Variants in CDH18 observed in about 807,000 individuals in gnomAD.
CDH18 encodes cadherin-18.
In CDH18, 31 loss-of-function variants were observed where a neutral mutation model predicts 67.9. That is an observed-to-expected ratio of 0.46 (90% CI 0.34 to 0.62). CDH18 has a LOEUF of 0.62. Ranked by LOEUF, CDH18 falls within the 20% of genes least tolerant of loss-of-function variation. CDH18 has a pLI of 0.01. For missense variants in CDH18, 890 were observed against 975.5 expected (o/e 0.91, Z 1.17); for synonymous variants, 362 against 347.2 (o/e 1.04, Z -0.48).
chr5:20,201,330 A>G (rs913441195), intron 2 of CDH18, among the ~76,000 whole-genome samples: 3 of 152,172 alleles, frequency 2.0e-5, no homozygotes, highest in African/African-American at 7.2e-5. Flanking sequence ...TAAATTGATT[A>G]CATCTGCAAA....
chr5:20,400,515 T>A (rs1272623735), intron 1 of CDH18, among the ~76,000 whole-genome samples: 1 of 151,032 alleles, frequency 6.6e-6, no homozygotes, highest in East Asian at 2.0e-4. Context: ...ATAAAAAGAA[T>A]GTTCACAGAC....
At chr5:20,080,978 A>G (rs1744419684) in intron 2 of CDH18, among the ~76,000 whole-genome samples, 1 of 152,116 alleles carries the variant, frequency 6.6e-6, no homozygotes, top group Admixed American at 6.6e-5. Context: ...TTCATTATAT[A>G]TCACTCCCTC....
chr5:19,862,499 CAGAGGTAAA>C (rs1198812417), intron 2 of CDH18, among the ~76,000 whole-genome samples: 3 of 152,124 alleles, frequency 2.0e-5, no homozygotes, highest in Non-Finnish European at 4.4e-5. Flanking sequence ...ACTATCCCAC[CAGAGGTAAA>C]ATCGTAATGT....
intron 2 of CDH18, among the ~76,000 whole-genome samples, chr5:19,840,433 T>C (rs1270381830): frequency 1.3e-5 from 2 of 152,052 alleles, no homozygotes; most frequent in East Asian, 3.9e-4. Context: ...CTGGGTGCAG[T>C]AGCTCACGAC....
In CDH18 at chr5:20,095,443, G is replaced by A. The variant is rs866107445; in HGVS notation, c.-517-103429C>T. Among the ~76,000 whole-genome samples, 189 of 62,262 alleles carry A rather than the reference G, an allele frequency of 3.0e-3. 1 individual carries two copies. Among genetic ancestry groups the A allele is most frequent in the African/African-American group, 0.011 (177 of 15,874 alleles). 40.8% of individuals were successfully genotyped at this position (62,262 alleles called of 152,430 possible). A position where few individuals can be genotyped will look rare whatever the true frequency, so the allele number is the denominator to read the frequency against. Reference sequence around the variant, plus strand: ...AGAAAGAAAGAAAGAAAGAAAGAAAGAAAAGAAAGAAAGAAAGAAGAAAGA... The same window carrying A: ...AGAAAGAAAGAAAGAAAGAAAGAAAAAAAAGAAAGAAAGAAAGAAGAAAGA... On this transcript the variant is annotated intron_variant, in intron 2 of 14. Transcript: ENST00000507958.
intron 1 of CDH18, among the ~76,000 whole-genome samples, chr5:20,508,323 TTATATATATATATATA>T (rs55885279): frequency 0.031 from 3,405 of 111,186 alleles, 173 homozygotes; most frequent in African/African-American, 0.096. Flanking sequence ...ATGACTATGA[TTATATATATATATATA>T]TATATATATA....
intron 2 of CDH18, among the ~76,000 whole-genome samples, chr5:19,945,094 G>A (rs114155265): frequency 0.012 from 1,775 of 152,234 alleles, 27 homozygotes; most frequent in African/African-American, 0.041. Context: ...CAGTGGTAAA[G>A]CCTGGTATCT....
rs1338163203 is a variant in CDH18, at chr5:19,755,239, G to T, written c.229-8003C>A. Among the ~76,000 whole-genome samples, 8 of 150,050 alleles carry T rather than the reference G, an allele frequency of 5.3e-5. No individual in the cohort carries two copies. The East Asian group carries it at 1.6e-3, about 29-fold the overall frequency. On this transcript the variant is annotated intron_variant, in intron 3 of 12. Transcript: ENST00000382275. ...AATAAAAAAAAGAAATAAAAAGCTG[G>T]TTCTTCGAAGAAATAAATAAAATTG...
At chr5:20,436,630 A>G (rs550035280) in intron 1 of CDH18, among the ~76,000 whole-genome samples, 16 of 150,908 alleles carry the variant, frequency 1.1e-4, no homozygotes, top group African/African-American at 1.9e-4. Flanking sequence ...ATATATGTGT[A>G]TATATATATA....
rs542193616 is a variant in CDH18 at position 19,894,185 on chromosome 5, G to T, written c.-256-54943C>A. Among the ~76,000 whole-genome samples, 3 of 151,778 alleles carry T rather than the reference G, an allele frequency of 2.0e-5. No individual in the cohort carries two copies. In the East Asian group the frequency reaches 5.8e-4, roughly 29 times the overall value. ...AAAATCCACTGATATTTTAAAATTG[G>T]ATCTATTTTAGTTTTTAAACTTCCT... On this transcript the variant is annotated intron_variant, in intron 2 of 12. Transcript: ENST00000382275.
chr5:20,520,568 A>C (rs969693207), intron 1 of CDH18, among the ~76,000 whole-genome samples: 1 of 152,128 alleles, frequency 6.6e-6, no homozygotes, highest in Admixed American at 6.6e-5. Flanking sequence ...TCTGAAATAC[A>C]AGGGTAGTGA....
At chr5:20,165,407 C>G (rs1211531867) in intron 2 of CDH18, among the ~76,000 whole-genome samples, 1 of 151,998 alleles carries the variant, frequency 6.6e-6, no homozygotes, top group East Asian at 1.9e-4. Context: ...ATTCGGATAA[C>G]TTTACTAACA....
At chr5:19,966,697 C>T (rs1044425348) in intron 2 of CDH18, among the ~76,000 whole-genome samples, 1 of 151,652 alleles carries the variant, frequency 6.6e-6, no homozygotes, top group African/African-American at 2.4e-5. Flanking sequence ...ATTTTCTTTC[C>T]AATAGTAAAC....
At chr5:20,165,645 G>C (rs1736224777) in intron 2 of CDH18, among the ~76,000 whole-genome samples, 1 of 152,068 alleles carries the variant, frequency 6.6e-6, no homozygotes, top group Non-Finnish European at 1.5e-5. Context: ...TTTGAGTTTA[G>C]TTGCTCATCA....
At chr5:20,194,738 C>T (rs1175925840) in intron 2 of CDH18, among the ~76,000 whole-genome samples, 2 of 151,728 alleles carry the variant, frequency 1.3e-5, no homozygotes, top group African/African-American at 4.8e-5. Context: ...TTAACATTTC[C>T]CTGAATACTA....
At position 20,561,420 on chromosome 5, in the gene CDH18, G is replaced by A. The variant is rs181521353; in HGVS notation, c.-580+14042C>T. Among the ~76,000 whole-genome samples, 8 of 152,130 alleles carry A rather than the reference G, an allele frequency of 5.3e-5. No homozygotes were observed. The East Asian group carries it at 7.7e-4, about 15-fold the overall frequency. On this transcript the variant is annotated intron_variant, in intron 1 of 14. Transcript: ENST00000507958. Reference sequence around the variant, plus strand: ...CATGAGGACAATGGAATATTTTTCCGTGCTATAAAGAAATGAGCTATCAAA... The same window carrying A: ...CATGAGGACAATGGAATATTTTTCCATGCTATAAAGAAATGAGCTATCAAA...
chr5:20,230,159 T>C (rs892355714), intron 2 of CDH18, among the ~76,000 whole-genome samples: 6 of 152,182 alleles, frequency 3.9e-5, no homozygotes, highest in Non-Finnish European at 5.9e-5. Flanking sequence ...ATACATTGCA[T>C]TGATGTCTCT....
chr5:20,262,125 G>T (rs1425080636), intron 1 of CDH18, among the ~76,000 whole-genome samples: 4 of 152,198 alleles, frequency 2.6e-5, no homozygotes, highest in Admixed American at 6.5e-5. Flanking sequence ...ACAAGGTGCT[G>T]CTTGTTAGTG....
chr5:20,041,835 A>T (rs530527270), intron 2 of CDH18, among the ~76,000 whole-genome samples: 2 of 152,392 alleles, frequency 1.3e-5, no homozygotes, highest in African/African-American at 4.8e-5. Context: ...AAGAAGCAGA[A>T]TAATAATTCT....
Sources: gnomAD v4.1 joint callset for allele counts (sites outside exome capture counted in the v4.1 genomes callset) on GRCh38, gnomAD v4.1.1 for gene constraint, MANE v1.5 for transcripts, NCBI Gene and HGNC (gene_info 2026-07-23, HGNC 2026-07-21) for gene names.